PCDHGA4: variants seen among roughly 807,000 people sequenced by gnomAD.
PCDHGA4 encodes the protein protocadherin gamma-A4.
A neutral mutation model predicts 54.6 loss-of-function variants in PCDHGA4; 38 were observed. The observed-to-expected ratio is 0.70, with a 90% CI of 0.54 to 0.91. PCDHGA4 has a LOEUF of 0.91. PCDHGA4 is among the 40% of genes least tolerant of loss of function. The probability of loss-of-function intolerance (pLI) is 0.00; values close to 1 mark genes in which losing one functional copy is unlikely to be tolerated. For synonymous variants in PCDHGA4, 511 were observed against 512.9 expected (o/e 1.00, Z 0.05); for missense variants, 1,298 against 1,220.9 (o/e 1.06, Z -0.94).
At chr5:141,388,201 T>C (rs780011607) in intron 1 of PCDHGA4, 1 of 1,573,864 alleles carries the variant, frequency 6.4e-7, no homozygotes, top group Non-Finnish European at 8.7e-7. Context: ...GCTCTGGAAT[T>C]TGAGGCTGTT....
At position 141,489,651 on chromosome 5, in the gene PCDHGA4, G is replaced by A; in HGVS notation, c.2515-5156G>A. 6.2e-7 allele frequency: 1 copy of A among 1,614,186 alleles called. No individual in the cohort carries two copies. Among genetic ancestry groups the A allele is most frequent in the Non-Finnish European group, 8.5e-7 (1 of 1,180,032 alleles). ...ACTCTCCTAGCTTTGCCACCCCTGA[G>A]CGAGAGATGCGCATCTCAGAATCAG... On this transcript the variant is annotated intron_variant, in intron 1 of 3. Coordinates refer to ENST00000571252, the MANE Select transcript of PCDHGA4 (RefSeq NM_018917.4). The surrounding 1 kb of genome is among the most constrained non-coding windows in gnomAD (Gnocchi z 4.5).
chr5:141,485,185 G>C lies in PCDHGA4; in HGVS notation c.2515-9622G>C. On this transcript the variant is annotated intron_variant, in intron 1 of 3. Transcript: ENST00000571252. This position sits in a 1 kb window ranked among gnomAD's most constrained non-coding sequence, Gnocchi z 5.7. ...AGCGGGCGGCAGCAATGCTCCGCAA[G>C]GTGAGAAGCTGGACAGAAATCTGGC... 6.2e-7 allele frequency: 1 copy of C among 1,613,528 alleles called. No homozygotes were observed. Among genetic ancestry groups the C allele is most frequent in the Non-Finnish European group, 8.5e-7 (1 of 1,179,492 alleles).
chr5:141,397,168 T>C (rs997043690), intron 1 of PCDHGA4, among the ~76,000 whole-genome samples: 3 of 152,202 alleles, frequency 2.0e-5, no homozygotes, highest in Non-Finnish European at 4.4e-5. Context: ...CCAATAACTC[T>C]TAAGAATGAA....
At chr5:141,482,602 C>T (rs2099569087) in intron 1 of PCDHGA4, among the ~76,000 whole-genome samples, 1 of 142,506 alleles carries the variant, frequency 7.0e-6, no homozygotes, top group Non-Finnish European at 1.5e-5. Flanking sequence ...CGGGAAAAAA[C>T]ACCTAAATGA....
At position 141,461,300 on chromosome 5, in the gene PCDHGA4, A is replaced by G. The variant is rs889981233; in HGVS notation, c.2515-33507A>G. Among the ~76,000 whole-genome samples, 10 of 152,106 alleles carry G rather than the reference A, an allele frequency of 6.6e-5. No individual in the cohort carries two copies. In the East Asian group the frequency reaches 1.4e-3, roughly 21 times the overall value. On this transcript the variant is annotated intron_variant, in intron 1 of 3. Transcript: ENST00000571252. The stretch of plus-strand genomic sequence containing the variant: ...TTTCCCCACATCCACACCAACATCT[A>G]TTGTTTTTTGACTTTTTAATAATGG...
chr5:141,417,713 C>G, intron 1 of PCDHGA4: 1 of 1,271,750 alleles, frequency 7.9e-7, no homozygotes, highest in Non-Finnish European at 1.1e-6. Flanking sequence ...CAGAGGCTCC[C>G]GGCTGCGCAG....
At chr5:141,420,025 T>A in intron 1 of PCDHGA4, 1 of 1,614,096 alleles carries the variant, frequency 6.2e-7, no homozygotes, top group Non-Finnish European at 8.5e-7. Context: ...TCAGCCCTAC[T>A]GCAGGAGACT....
chr5:141,455,494 T>C (rs1223531150), intron 1 of PCDHGA4, among the ~76,000 whole-genome samples: 2 of 152,214 alleles, frequency 1.3e-5, no homozygotes, highest in African/African-American at 4.8e-5. Context: ...AGGTGATGTC[T>C]GATTTGCATA....
chr5:141,422,069 C>A, intron 1 of PCDHGA4: 3 of 1,611,836 alleles, frequency 1.9e-6, no homozygotes, highest in Non-Finnish European at 2.5e-6. Flanking sequence ...GTAATGTATT[C>A]ATTTCGGAAC....
chr5:141,397,359 A>T (rs372780097), intron 1 of PCDHGA4, among the ~76,000 whole-genome samples: 10 of 152,226 alleles, frequency 6.6e-5, no homozygotes, highest in African/African-American at 2.4e-4. Flanking sequence ...AGTCAGGAAG[A>T]GGAGATGTTT....
At chr5:141,414,083 G>C (rs964114178) in intron 1 of PCDHGA4, 1 of 1,601,124 alleles carries the variant, frequency 6.2e-7, no homozygotes, top group Non-Finnish European at 8.5e-7. Context: ...AAATATACTG[G>C]AGAAATAAAA....
chr5:141,489,096 ACT>A lies in PCDHGA4; in HGVS notation c.2515-5710_2515-5709del. The A allele has an allele frequency of 2.0e-6, 1 of 494,278 alleles. No individual in the cohort carries two copies. The allele number at this position is 494,278 out of a possible 1,614,324, so 30.6% of individuals were successfully genotyped here. A position where few individuals can be genotyped will look rare whatever the true frequency, so the allele number is the denominator to read the frequency against. ...CACCCCCGCCACTCGGTGACTAAGA[ACT>A]GCTGCAAGCAGGCAAACCTCCGAGC... On this transcript the variant is annotated intron_variant, in intron 1 of 3. Coordinates refer to ENST00000571252, the MANE Select transcript of PCDHGA4 (RefSeq NM_018917.4). The surrounding 1 kb of genome is among the most constrained non-coding windows in gnomAD (Gnocchi z 4.5).
intron 1 of PCDHGA4, among the ~76,000 whole-genome samples, chr5:141,492,631 A>G (rs1203365582): frequency 6.6e-6 from 1 of 152,184 alleles, no homozygotes; most frequent in Non-Finnish European, 1.5e-5. Flanking sequence ...GCAGGACTCT[A>G]CGATCCTTGG....
intron 1 of PCDHGA4, chr5:141,390,387 T>C: frequency 1.4e-6 from 2 of 1,425,596 alleles, no homozygotes; most frequent in Non-Finnish European, 1.9e-6. Flanking sequence ...TTAGATGTCA[T>C]GGATCATTTT....
rs1358954122 is a variant in PCDHGA4, at chr5:141,491,553, C to T, written c.2515-3254C>T. On this transcript the variant is annotated intron_variant, in intron 1 of 3. Coordinates refer to ENST00000571252, the MANE Select transcript of PCDHGA4 (RefSeq NM_018917.4). This position sits in a 1 kb window ranked among gnomAD's most constrained non-coding sequence, Gnocchi z 6.9. ...CGCTGCGGCCCACAGACTCGCAGAG[C>T]CACTGCTACAGGACGTGCTTTTCAC... The T allele has an allele frequency of 6.2e-7, 1 of 1,613,954 alleles. No homozygotes were observed.
intron 3 of PCDHGA4, among the ~76,000 whole-genome samples, chr5:141,508,975 G>T (rs1360718244): frequency 2.6e-5 from 4 of 152,148 alleles, no homozygotes; most frequent in African/African-American, 7.2e-5. Context: ...AAGGGCTGGG[G>T]GTGGGGGCCA....
rs775081505 is a variant in PCDHGA4 at position 141,486,730 on chromosome 5, T to C, written c.2515-8077T>C. ...ACCCCCAGACAGGAGCTGTTCATGC[T>C]ACTCGATCCTTTGACTATGAGCAAA... On this transcript the variant is annotated intron_variant, in intron 1 of 3. Coordinates refer to ENST00000571252, the MANE Select transcript of PCDHGA4 (RefSeq NM_018917.4). This position sits in a 1 kb window ranked among gnomAD's most constrained non-coding sequence, Gnocchi z 5.0. 1 of 1,614,120 alleles carries C rather than the reference T, an allele frequency of 6.2e-7. No homozygotes were observed. Among genetic ancestry groups the C allele is most frequent in the Non-Finnish European group, 8.5e-7 (1 of 1,180,050 alleles).
At chr5:141,428,407 T>C in intron 1 of PCDHGA4, 1 of 470,350 alleles carries the variant, frequency 2.1e-6, no homozygotes, top group South Asian at 2.0e-5. Context: ...CTGGGGTTGC[T>C]TTCACCCTGG....
chr5:141,425,486 C>T (rs2096878743), intron 1 of PCDHGA4, among the ~76,000 whole-genome samples: 1 of 152,236 alleles, frequency 6.6e-6, no homozygotes, highest in African/African-American at 2.4e-5. Context: ...TGGCAACCTA[C>T]TAGGCTATAC....
Sources: allele counts gnomAD v4.1 joint callset (sites outside exome capture counted in the v4.1 genomes callset), GRCh38; gene constraint gnomAD v4.1.1; non-coding constraint Gnocchi (gnomAD v3.1); transcripts MANE v1.5; gene names NCBI Gene and HGNC (gene_info 2026-07-23, HGNC 2026-07-21).